The following POLR2B variants were observed in gnomAD, a reference collection of about 807,000 sequenced individuals.
The protein encoded by POLR2B is DNA-directed RNA polymerase II subunit RPB2.
In POLR2B, 57 loss-of-function variants were observed where a neutral mutation model predicts 144.6. The ratio of observed to expected loss-of-function variants is 0.39; its 90% CI spans 0.32 to 0.49. The LOEUF (loss-of-function observed/expected upper bound fraction) is 0.49. Ranked by LOEUF, POLR2B falls within the 20% of genes least tolerant of loss-of-function variation. The probability of loss-of-function intolerance (pLI) is 0.83; values close to 1 mark genes in which losing one functional copy is unlikely to be tolerated. For synonymous variants in POLR2B, 442 were observed against 469.8 expected (o/e 0.94, Z 0.77); for missense variants, 595 against 1,467.4 (o/e 0.41, Z 9.71).
In POLR2B at chr4:57,015,482, T is replaced by G. The variant is rs1422876440; in HGVS notation, c.1801-20T>G. On this transcript the variant is annotated intron_variant, in intron 13 of 24. Coordinates refer to ENST00000314595, the MANE Select transcript of POLR2B (RefSeq NM_000938.3). ...GAGAAAATAAAAATTTGTGGAACTG[T>G]TTTTTCTTTTTATATGTAGGTTTCT... 21 of 1,306,098 alleles carry G rather than the reference T, an allele frequency of 1.6e-5. No homozygotes were observed. Among genetic ancestry groups the G allele is most frequent in the Non-Finnish European group, 2.0e-5 (20 of 996,306 alleles). The allele number at this position is 1,306,098 out of a possible 1,614,324, so 80.9% of individuals were successfully genotyped here.
chr4:56,981,321 T>C (rs1316225138), intron 1 of POLR2B, among the ~76,000 whole-genome samples: 1 of 152,000 alleles, frequency 6.6e-6, no homozygotes, highest in African/African-American at 2.4e-5. Flanking sequence ...AGTCTCTTGA[T>C]GGATATTCGG....
chr4:56,992,622 C>T (rs1295772818), intron 3 of POLR2B, among the ~76,000 whole-genome samples: 5 of 145,030 alleles, frequency 3.4e-5, no homozygotes, highest in African/African-American at 5.2e-5. Flanking sequence ...TGCAGTGGCG[C>T]GATCTCGGCT....
chr4:57,015,148 T>C (rs1723326287), intron 13 of POLR2B, among the ~76,000 whole-genome samples: 1 of 152,192 alleles, frequency 6.6e-6, no homozygotes, highest in South Asian at 2.1e-4. Context: ...GGGCTGGTTT[T>C]TGAAAGGTTA....
At chr4:57,011,458 G>A (rs1458004277) in intron 13 of POLR2B, among the ~76,000 whole-genome samples, 8 of 152,176 alleles carry the variant, frequency 5.3e-5, no homozygotes, top group African/African-American at 1.9e-4. Context: ...AACCCGGGAG[G>A]CGGGGGTTAT....
At chr4:56,996,905 C>G (rs1722707591) in intron 6 of POLR2B, among the ~76,000 whole-genome samples, 1 of 151,810 alleles carries the variant, frequency 6.6e-6, no homozygotes, top group Non-Finnish European at 1.5e-5. Flanking sequence ...GGCAACATGG[C>G]AAAACACTTT....
chr4:57,019,279 G>T (rs896771702), intron 16 of POLR2B, among the ~76,000 whole-genome samples: 3 of 152,124 alleles, frequency 2.0e-5, no homozygotes, highest in African/African-American at 7.2e-5. Context: ...GAAAGCAAAT[G>T]TTCCTTTGGT....
At chr4:56,982,598 A>G (rs1034307184) in intron 1 of POLR2B, among the ~76,000 whole-genome samples, 5 of 152,122 alleles carry the variant, frequency 3.3e-5, no homozygotes, top group African/African-American at 1.2e-4. Flanking sequence ...ATATTAAAAA[A>G]AAATTGCGTC....
chr4:57,003,490 G>A (rs1228925577), intron 7 of POLR2B, among the ~76,000 whole-genome samples: 1 of 152,120 alleles, frequency 6.6e-6, no homozygotes, highest in African/African-American at 2.4e-5. Flanking sequence ...CAGCACTTTG[G>A]GAGGAGGATT....
At chr4:57,006,106 G>A (rs1481871628) in intron 9 of POLR2B, among the ~76,000 whole-genome samples, 3 of 152,052 alleles carry the variant, frequency 2.0e-5, no homozygotes, top group African/African-American at 7.2e-5. Context: ...ATTATGTGCA[G>A]TTTTTAATTT....
At chr4:56,991,413 A>G (rs1722504514) in intron 3 of POLR2B, among the ~76,000 whole-genome samples, 1 of 152,214 alleles carries the variant, frequency 6.6e-6, no homozygotes, top group African/African-American at 2.4e-5. Flanking sequence ...GTATAATTTT[A>G]TAATTTGGTT....
intron 10 of POLR2B, 156 bp from the exon 11 acceptor site, chr4:57,010,205 G>A (rs1723145403): frequency 1.6e-6 from 1 of 641,284 alleles, no homozygotes; most frequent in Non-Finnish European, 2.6e-6. Context: ...TGGCAGGTAA[G>A]TTAAAGTGTC....
At chr4:57,029,338 C>A (rs541466526) in intron 23 of POLR2B, among the ~76,000 whole-genome samples, 1 of 152,210 alleles carries the variant, frequency 6.6e-6, no homozygotes, top group African/African-American at 2.4e-5. Flanking sequence ...GTTTGGTTAC[C>A]TAGTGATGTA....
intron 7 of POLR2B, 27 bp downstream of exon 7, chr4:56,999,808 A>C: frequency 1.3e-6 from 2 of 1,504,970 alleles, no homozygotes; most frequent in Non-Finnish European, 1.8e-6. Context: ...ATGTATTCAC[A>C]GAGCTTTATA....
At position 56,995,367 on chromosome 4, in the gene POLR2B, C is replaced by T. The variant is rs1160362250; in HGVS notation, c.693C>T (p.Pro231=). ...CRSCLENSSR[P]TSTIWVSMLA... is the part of the protein sequence containing the mutation. ...CATGTCTTGAGAATTCTTCCCGACCCACCAGTACTATATGGGTTAGCATGC... is the reference window on the plus strand; with the variant it reads ...CATGTCTTGAGAATTCTTCCCGACCTACCAGTACTATATGGGTTAGCATGC... The change falls in exon 6 of 25, where the codon CCC becomes CCT. Residue 231 remains proline, a synonymous_variant. Coordinates refer to ENST00000314595, the MANE Select transcript of POLR2B (RefSeq NM_000938.3). The T allele has an allele frequency of 4.4e-6, 7 of 1,576,870 alleles. No individual in the cohort carries two copies. The highest frequency in any genetic ancestry group is 1.4e-5 in the African/African-American group (1 of 69,008).
rs767540267 is a variant in POLR2B at position 57,023,312 on chromosome 4, G to C, written c.2516-18G>C. 3.1e-6 allele frequency: 5 copies of C among 1,612,504 alleles called. No homozygotes were observed. Among genetic ancestry groups the C allele is most frequent in the Non-Finnish European group, 4.2e-6 (5 of 1,178,914 alleles). On this transcript the variant is annotated intron_variant, in intron 18 of 24. Transcript: ENST00000314595. The surrounding 1 kb of genome is among the most constrained non-coding windows in gnomAD (Gnocchi z 4.3). ...TTTGTTGGGGATTATGTGACATTCCGTGTCTATTTCCTCACAGGCATGAGG... is the reference window on the plus strand; with the variant it reads ...TTTGTTGGGGATTATGTGACATTCCCTGTCTATTTCCTCACAGGCATGAGG...
At chr4:57,001,355 C>T (rs1459258442) in intron 7 of POLR2B, among the ~76,000 whole-genome samples, 1 of 152,154 alleles carries the variant, frequency 6.6e-6, no homozygotes, top group Non-Finnish European at 1.5e-5. Context: ...GACAGGGTTT[C>T]ACTGTGTTGG....
Position 57,022,150 on chromosome 4 carries a change from A to G in POLR2B, c.2421-2A>G. ...TTTACCTTTAGAACCATGTGTTTTTAGGTCTGTTTTCTATCGCTCATACAA... is the reference window on the plus strand; with the variant it reads ...TTTACCTTTAGAACCATGTGTTTTTGGGTCTGTTTTCTATCGCTCATACAA... On this transcript the variant is annotated splice_acceptor_variant, in intron 17 of 24. Transcript: ENST00000314595. LOFTEE classifies it high-confidence loss of function. 6.3e-6 allele frequency: 10 copies of G among 1,579,452 alleles called. No homozygotes were observed. The highest frequency in any genetic ancestry group is 8.7e-6 in the Non-Finnish European group (10 of 1,151,854).
chr4:56,983,356 A>T, intron 1 of POLR2B, among the ~76,000 whole-genome samples: 1 of 139,016 alleles, frequency 7.2e-6, no homozygotes, highest in African/African-American at 2.7e-5. Flanking sequence ...ATAACACGAG[A>T]TCTCTGCTCA....
chr4:57,030,035 A>G, intron 23 of POLR2B, among the ~76,000 whole-genome samples, 169 bp from the exon 24 acceptor site: 1 of 152,176 alleles, frequency 6.6e-6, no homozygotes. Flanking sequence ...ATGCACGTCA[A>G]ATAGTTGGTA....
Sources: allele counts gnomAD v4.1 joint callset (sites outside exome capture counted in the v4.1 genomes callset), GRCh38; gene constraint gnomAD v4.1.1; non-coding constraint Gnocchi (gnomAD v3.1); transcripts MANE v1.5; gene names NCBI Gene and HGNC (gene_info 2026-07-23, HGNC 2026-07-21).